DSG1: variants seen among roughly 807,000 people sequenced by gnomAD.
DSG1 encodes the protein desmoglein-1.
Under a neutral mutation model 97.5 loss-of-function variants are expected in DSG1, and 39 were observed. The ratio of observed to expected loss-of-function variants is 0.40; its 90% CI spans 0.31 to 0.52. The LOEUF (loss-of-function observed/expected upper bound fraction) is 0.52, where lower values mean the gene tolerates loss of function less well. Among genes scored for constraint, DSG1 ranks in the 20% least tolerant of loss-of-function variants. DSG1 has a pLI of 0.53. For missense variants in DSG1, 1,311 were observed against 1,295.4 expected (o/e 1.01, Z -0.18); for synonymous variants, 475 against 443.4 (o/e 1.07, Z -0.90).
At chr18:31,343,716 G>C in intron 12 of DSG1, 133 bp downstream of exon 12, 1 of 1,393,494 alleles carries the variant, frequency 7.2e-7, no homozygotes, top group East Asian at 2.4e-5. Flanking sequence ...AGAAAATGAA[G>C]AGGAATCAGA....
At chr18:31,344,697 A>C (rs1286351258) in intron 13 of DSG1, among the ~76,000 whole-genome samples, 3 of 152,248 alleles carry the variant, frequency 2.0e-5, no homozygotes, top group Non-Finnish European at 4.4e-5. Flanking sequence ...AGACCAGTTC[A>C]CAGGCAGAAC....
intron 13 of DSG1, chr18:31,345,217 A>G (rs2071821909): frequency 6.6e-6 from 1 of 152,202 alleles, no homozygotes; most frequent in South Asian, 2.1e-4. Flanking sequence ...TGAAAAACAG[A>G]CTGTTCCCAA....
Position 31,318,202 on chromosome 18 carries a change from A to T in DSG1, c.-99A>T. On this transcript the variant is annotated 5_prime_UTR_variant, in exon 1 of 15. Coordinates refer to ENST00000257192, the MANE Select transcript of DSG1 (RefSeq NM_001942.4). Reference sequence around the variant, plus strand: ...TGCATGTAAGAACATCTACTGAGAAATTATTTTAATCAGACACCAGCTGAG... The same window carrying T: ...TGCATGTAAGAACATCTACTGAGAATTTATTTTAATCAGACACCAGCTGAG... The T allele has an allele frequency of 9.2e-7, 1 of 1,081,822 alleles. No individual in the cohort carries two copies. Among genetic ancestry groups the T allele is most frequent in the Non-Finnish European group, 1.4e-6 (1 of 696,212 alleles). 67.0% of individuals were successfully genotyped at this position (1,081,822 alleles called of 1,614,324 possible). A position where few individuals can be genotyped will look rare whatever the true frequency, so the allele number is the denominator to read the frequency against.
At chr18:31,335,466 A>T (rs529129870) in intron 8 of DSG1, among the ~76,000 whole-genome samples, 184 of 152,082 alleles carry the variant, frequency 1.2e-3, no homozygotes, top group African/African-American at 4.0e-3. Flanking sequence ...GGGAATGATA[A>T]TTGTTTGCCC....
intron 4 of DSG1, among the ~76,000 whole-genome samples, chr18:31,328,806 T>C (rs912608366): frequency 3.3e-5 from 5 of 152,128 alleles, no homozygotes; most frequent in African/African-American, 1.2e-4. Context: ...TGCAGGACTG[T>C]TTTCTGAGCA....
At chr18:31,319,440 G>T (rs562208505) in intron 1 of DSG1, among the ~76,000 whole-genome samples, 1 of 152,224 alleles carries the variant, frequency 6.6e-6, no homozygotes, top group East Asian at 1.9e-4. Flanking sequence ...CATAATCAGT[G>T]GATTTAGTTA....
intron 14 of DSG1, among the ~76,000 whole-genome samples, chr18:31,347,379 TC>T (rs1163525300): frequency 2.0e-5 from 3 of 151,610 alleles, no homozygotes; most frequent in Non-Finnish European, 4.4e-5. Context: ...CCCATCACTT[TC>T]TTTTTCTTTA....
chr18:31,346,977 A>G (rs538761973), intron 14 of DSG1, among the ~76,000 whole-genome samples: 94 of 152,310 alleles, frequency 6.2e-4, no homozygotes, highest in African/African-American at 2.0e-3. Flanking sequence ...AAGCAGCTGC[A>G]GGAGAATTTA....
At chr18:31,333,003 A>T (rs1488713604) in intron 6 of DSG1, among the ~76,000 whole-genome samples, 1 of 152,178 alleles carries the variant, frequency 6.6e-6, no homozygotes, top group Non-Finnish European at 1.5e-5. Flanking sequence ...CAATGGAGAG[A>T]CCTCAAGATG....
intron 1 of DSG1, among the ~76,000 whole-genome samples, chr18:31,319,576 T>A (rs377163937): frequency 1.3e-5 from 2 of 152,276 alleles, no homozygotes; most frequent in South Asian, 2.1e-4. Flanking sequence ...TTGGTAGGGA[T>A]CACTGATCAT....
chr18:31,329,991 T>G lies in DSG1; in HGVS notation c.472T>G (p.Ser158Ala). The G allele has an allele frequency of 6.2e-7, 1 of 1,613,314 alleles. No individual in the cohort carries two copies. Among genetic ancestry groups the G allele is most frequent in the Non-Finnish European group, 8.5e-7 (1 of 1,179,368 alleles). Residue 158 changes from serine to alanine, a missense_variant, in exon 5 of 15, where the codon TCA becomes GCA. By Grantham distance (99) the Ser-to-Ala change is moderately conservative (BLOSUM62 1). Around this residue, in one of 3 missense-constraint regions of DSG1, gnomAD observed 259 missense variants for 304.1 expected, o/e 0.85. Transcript: ENST00000257192. ...TATAAATGACAACCCTCCAGTGTTTTCAATGGCTACATTTGCAGGACAAAT... is the reference window on the plus strand; with the variant it reads ...TATAAATGACAACCCTCCAGTGTTTGCAATGGCTACATTTGCAGGACAAAT... ...LDINDNPPVF[S>A]MATFAGQIEE...
intron 14 of DSG1, among the ~76,000 whole-genome samples, 199 bp downstream of exon 14, chr18:31,346,397 A>G (rs987589945): frequency 1.3e-5 from 2 of 152,218 alleles, no homozygotes; most frequent in Non-Finnish European, 2.9e-5. Flanking sequence ...CCCCAACGTA[A>G]GAACAGCCAA....
In DSG1 at chr18:31,329,549, G is replaced by A. The variant is rs542051449; in HGVS notation, c.373-343G>A. Among the ~76,000 whole-genome samples, 31 of 151,452 alleles carry A rather than the reference G, an allele frequency of 2.0e-4. No homozygotes were observed. The East Asian group carries it at 5.8e-3, about 28-fold the overall frequency. ...TTTTTTACGTCTTTATTTTTTTTTAGAGACAGGGTCTCATTATATTGCCCA... is the reference window on the plus strand; with the variant it reads ...TTTTTTACGTCTTTATTTTTTTTTAAAGACAGGGTCTCATTATATTGCCCA... On this transcript the variant is annotated intron_variant, in intron 4 of 14. Coordinates refer to ENST00000257192, the MANE Select transcript of DSG1 (RefSeq NM_001942.4).
Position 31,336,342 on chromosome 18 carries a change from T to C in DSG1, c.1006-12T>C. The C allele has an allele frequency of 6.2e-7, 1 of 1,611,402 alleles. No individual in the cohort carries two copies. Among genetic ancestry groups the C allele is most frequent in the Non-Finnish European group, 8.5e-7 (1 of 1,178,526 alleles). On this transcript the variant is annotated splice_polypyrimidine_tract_variant and intron_variant, in intron 8 of 14. Transcript: ENST00000257192. Reference sequence around the variant, plus strand: ...TTCTTATAATGAAACTATTTTACTCTGTATTTTCTAGCCCTTAGATTATGA... The same window carrying C: ...TTCTTATAATGAAACTATTTTACTCCGTATTTTCTAGCCCTTAGATTATGA...
chr18:31,344,955 A>G (rs985334807), intron 13 of DSG1, among the ~76,000 whole-genome samples: 1 of 152,186 alleles, frequency 6.6e-6, no homozygotes, highest in East Asian at 1.9e-4. Context: ...AGAACTCGAC[A>G]CAGTAGTCTT....
intron 2 of DSG1, 21 bp downstream of exon 2, chr18:31,326,637 T>G: frequency 6.3e-7 from 1 of 1,580,808 alleles, no homozygotes. Context: ...ACAAATCCAT[T>G]TTTCCAAATT....
Position 31,339,911 on chromosome 18 carries a change from A to T in DSG1, c.1573A>T (p.Ser525Cys). The T allele has an allele frequency of 6.2e-7, 1 of 1,614,118 alleles. No individual in the cohort carries two copies. Among genetic ancestry groups the T allele is most frequent in the Non-Finnish European group, 8.5e-7 (1 of 1,180,000 alleles). ...TACCAGCACAACTTCTACTGACTCT[A>T]GCCAAGTATATTCTTCTGAACCCGG... ...YDTSTTSTDS[S>C]QVYSSEPGNG... The change falls in exon 11 of 15, where the codon AGC becomes TGC. Residue 525 changes from serine to cysteine, a missense_variant. Around this residue, in one of 3 missense-constraint regions of DSG1, gnomAD observed 1,038 missense variants for 964.6 expected, o/e 1.08. Coordinates refer to ENST00000257192, the MANE Select transcript of DSG1 (RefSeq NM_001942.4).
In DSG1 at chr18:31,343,952, A is replaced by T. The variant is rs192546135; in HGVS notation, c.1848A>T (p.Ile616=). Residue 616 remains isoleucine, a synonymous_variant, in exon 13 of 15, where the codon ATA becomes ATT. Transcript: ENST00000257192. ...PRDITTVIPQ[I]PPDNANIIEC... ...ATATAACCACTGTCATACCACAAAT[A>T]CCACCTGATAACGCAAATATAATTG... The T allele has an allele frequency of 6.8e-6, 11 of 1,613,414 alleles. No individual in the cohort carries two copies. The Admixed American group carries it at 1.8e-4, about 27-fold the overall frequency.
At chr18:31,338,896 AT>A (rs1161712754) in intron 10 of DSG1, among the ~76,000 whole-genome samples, 1 of 152,212 alleles carries the variant, frequency 6.6e-6, no homozygotes, top group African/African-American at 2.4e-5. Flanking sequence ...TACTTCCAGA[AT>A]GTTTTTATTC....
Sources: gnomAD v4.1 joint callset for allele counts (sites outside exome capture counted in the v4.1 genomes callset) on GRCh38, gnomAD v4.1.1 for gene constraint, gnomAD v4.1.1 regional missense constraint, MANE v1.5 for transcripts, NCBI Gene and HGNC (gene_info 2026-07-23, HGNC 2026-07-21) for gene names.